The following KIAA1549L variants were observed in gnomAD, a reference collection of about 807,000 sequenced individuals.
KIAA1549L encodes KIAA1549 like.
KIAA1549L carries 88 observed loss-of-function variants against 160.7 expected under a neutral mutation model. The observed-to-expected ratio is 0.55, with a 90% CI of 0.46 to 0.65. The LOEUF (loss-of-function observed/expected upper bound fraction) is 0.65, where lower values mean the gene tolerates loss of function less well. Among genes scored for constraint, KIAA1549L ranks in the 30% least tolerant of loss-of-function variants. KIAA1549L has a pLI of 0.00. For missense variants in KIAA1549L, 2,258 were observed against 2,437.5 expected (o/e 0.93, Z 1.55); for synonymous variants, 950 against 976.7 (o/e 0.97, Z 0.51).
At chr11:33,487,482 T>C (rs1852557122) in intron 1 of KIAA1549L, among the ~76,000 whole-genome samples, 1 of 151,116 alleles carries the variant, frequency 6.6e-6, no homozygotes, top group Non-Finnish European at 1.5e-5. Flanking sequence ...GTTTGTTGAA[T>C]GACTGAGTGG....
At chr11:33,590,317 G>A (rs1004070128) in intron 11 of KIAA1549L, among the ~76,000 whole-genome samples, 2 of 152,158 alleles carry the variant, frequency 1.3e-5, no homozygotes, top group Non-Finnish European at 2.9e-5. Flanking sequence ...TGACGGAGTC[G>A]GGATTTGAAC....
At chr11:33,576,111 G>A (rs1855439348) in intron 10 of KIAA1549L, among the ~76,000 whole-genome samples, 1 of 152,096 alleles carries the variant, frequency 6.6e-6, no homozygotes, top group African/African-American at 2.4e-5. Flanking sequence ...AGATTAGGTG[G>A]TAGAAATTTT....
chr11:33,543,612 A>G lies in KIAA1549L; in HGVS notation c.2049A>G (p.Thr683=). ...PSSMDVYDSL[T]IGDMKKPATT... is the part of the protein sequence containing the mutation. ...CCATGGATGTATATGATTCCTTAACAATAGGAGACATGAAAAAGCCAGCAA... is the reference window on the plus strand; with the variant it reads ...CCATGGATGTATATGATTCCTTAACGATAGGAGACATGAAAAAGCCAGCAA... The change falls in exon 2 of 21, where the codon ACA becomes ACG. Residue 683 remains threonine (T), a synonymous_variant. Transcript: ENST00000658780. 6.2e-7 allele frequency: 1 copy of G among 1,613,928 alleles called. No homozygotes were observed. Among genetic ancestry groups the G allele is most frequent in the South Asian group, 1.1e-5 (1 of 91,084 alleles).
At chr11:33,480,262 G>A (rs58224683) in intron 1 of KIAA1549L, among the ~76,000 whole-genome samples, 3,037 of 152,108 alleles carry the variant, frequency 0.02, 81 homozygotes, top group African/African-American at 0.063. Flanking sequence ...CCAGGCAACC[G>A]CCAATCTCCT....
intron 4 of KIAA1549L, among the ~76,000 whole-genome samples, chr11:33,549,908 G>A (rs1320418054): frequency 1.3e-5 from 2 of 152,080 alleles, no homozygotes; most frequent in Non-Finnish European, 2.9e-5. Flanking sequence ...GAGAGGCTGA[G>A]GTGGGAGAAA....
At position 33,660,986 on chromosome 11, in the gene KIAA1549L, A is replaced by G; in HGVS notation, c.6131A>G (p.Asn2044Ser). ...NQAWMSYAGENELPSQWADSV... is the reference protein window; with the variant it reads ...NQAWMSYAGESELPSQWADSV... ...GCCTGGATGTCCTATGCAGGAGAGA[A>G]TGAGCTCCCGAGCCAGTGGGCAGAT... The change falls in exon 20 of 21, where the codon AAT (asparagine) becomes AGT (serine). Residue 2044 changes from asparagine to serine, a missense_variant. Physicochemically the swap from Asn to Ser is conservative, Grantham distance 46. Coordinates refer to ENST00000658780, the MANE Select transcript of KIAA1549L (RefSeq NM_012194.3). 6.2e-7 allele frequency: 1 copy of G among 1,611,092 alleles called. No individual in the cohort carries two copies. The highest frequency in any genetic ancestry group is 8.5e-7 in the Non-Finnish European group (1 of 1,178,712).
intron 8 of KIAA1549L, among the ~76,000 whole-genome samples, chr11:33,563,505 G>T (rs572767855): frequency 1.3e-5 from 2 of 151,992 alleles, no homozygotes; most frequent in Non-Finnish European, 2.9e-5. Context: ...TCTCACTTGC[G>T]GTCCCAAGCA....
intron 16 of KIAA1549L, among the ~76,000 whole-genome samples, chr11:33,632,138 G>T (rs1487332241): frequency 3.3e-5 from 5 of 152,182 alleles, no homozygotes; most frequent in African/African-American, 1.2e-4. Context: ...ACATGAACAG[G>T]GTGAATTGTT....
intron 1 of KIAA1549L, among the ~76,000 whole-genome samples, chr11:33,495,145 CTT>C (rs1852784996): frequency 6.6e-6 from 1 of 151,636 alleles, no homozygotes; most frequent in African/African-American, 2.4e-5. Context: ...TATTATTATA[CTT>C]TAAGTTTTAG....
At chr11:33,414,336 A>G (rs1850845437) in intron 1 of KIAA1549L, among the ~76,000 whole-genome samples, 1 of 152,194 alleles carries the variant, frequency 6.6e-6, no homozygotes, top group Non-Finnish European at 1.5e-5. Context: ...TAATCTTATA[A>G]AAGGACTTTT....
intron 1 of KIAA1549L, among the ~76,000 whole-genome samples, chr11:33,517,639 G>C (rs892444244): frequency 6.6e-6 from 1 of 152,094 alleles, no homozygotes; most frequent in African/African-American, 2.4e-5. Context: ...AATGTTATAA[G>C]TTAATAAAAG....
chr11:33,647,805 C>T (rs934625358), intron 17 of KIAA1549L, among the ~76,000 whole-genome samples: 1 of 150,480 alleles, frequency 6.6e-6, no homozygotes, highest in African/African-American at 2.4e-5. Flanking sequence ...AAAAAAAATC[C>T]ATTGTGGGTC....
At chr11:33,649,721 C>T (rs1165590061) in intron 17 of KIAA1549L, among the ~76,000 whole-genome samples, 1 of 151,830 alleles carries the variant, frequency 6.6e-6, no homozygotes, top group Non-Finnish European at 1.5e-5. Flanking sequence ...GCTATGACTT[C>T]GATTCTGCCG....
At chr11:33,607,396 A>G (rs913301341) in intron 14 of KIAA1549L, among the ~76,000 whole-genome samples, 1 of 152,220 alleles carries the variant, frequency 6.6e-6, no homozygotes, top group African/African-American at 2.4e-5. Context: ...AACATTCACC[A>G]TAGAGTGATG....
intron 1 of KIAA1549L, among the ~76,000 whole-genome samples, chr11:33,458,149 C>G (rs1168821947): frequency 6.6e-6 from 1 of 152,172 alleles, no homozygotes; most frequent in South Asian, 2.1e-4. Flanking sequence ...TGAGAGACCC[C>G]TTGTGGTGTG....
At chr11:33,501,519 T>G (rs1852948306) in intron 1 of KIAA1549L, among the ~76,000 whole-genome samples, 1 of 152,200 alleles carries the variant, frequency 6.6e-6, no homozygotes, top group African/African-American at 2.4e-5. Flanking sequence ...CATAGAGTGG[T>G]GAACAAGAAG....
At chr11:33,515,382 AG>A (rs1305114464) in intron 1 of KIAA1549L, among the ~76,000 whole-genome samples, 1 of 152,226 alleles carries the variant, frequency 6.6e-6, no homozygotes, top group African/African-American at 2.4e-5. Context: ...TAGTGTCTTC[AG>A]GCCCCAGTTT....
At chr11:33,403,603 C>A (rs1338969210) in intron 1 of KIAA1549L, 2 of 152,000 alleles carry the variant, frequency 1.3e-5, no homozygotes, top group Middle Eastern at 3.1e-3. Context: ...CGCAAAGGGA[C>A]ACACACAGAC....
intron 1 of KIAA1549L, among the ~76,000 whole-genome samples, chr11:33,429,462 C>T (rs905427811): frequency 4.6e-5 from 7 of 152,170 alleles, no homozygotes; most frequent in Non-Finnish European, 7.3e-5. Flanking sequence ...TTGCTCTTAT[C>T]GAGGTCACCA....
Sources: allele counts gnomAD v4.1 joint callset (sites outside exome capture counted in the v4.1 genomes callset), GRCh38; gene constraint gnomAD v4.1.1; transcripts MANE v1.5; gene names NCBI Gene and HGNC (gene_info 2026-07-23, HGNC 2026-07-21).